The following FGF12 variants were observed in gnomAD, a reference collection of about 807,000 sequenced individuals.
FGF12 encodes the protein fibroblast growth factor 12.
In FGF12, 14 loss-of-function variants were observed where a neutral mutation model predicts 23.6. That is an observed-to-expected ratio of 0.59 (90% confidence interval 0.39 to 0.93). FGF12 has a LOEUF of 0.93. FGF12 is among the 40% of genes least tolerant of loss of function. The probability of loss-of-function intolerance (pLI) is 0.00; values close to 1 mark genes in which losing one functional copy is unlikely to be tolerated. For missense variants in FGF12, 175 were observed against 217.8 expected (o/e 0.80, Z 1.24); for synonymous variants, 62 against 77.3 (o/e 0.80, Z 1.04).
At chr3:192,533,653 T>G in intron 2 of FGF12, among the ~76,000 whole-genome samples, 1 of 152,188 alleles carries the variant, frequency 6.6e-6, no homozygotes, top group East Asian at 1.9e-4. Context: ...CTTTTGAGCC[T>G]CTGTTCATTT....
At chr3:192,329,482 T>A (rs1577358443) in intron 4 of FGF12, among the ~76,000 whole-genome samples, 3 of 152,332 alleles carry the variant, frequency 2.0e-5, no homozygotes, top group African/African-American at 7.2e-5. Flanking sequence ...TATAATATCA[T>A]ACCAAATGAT....
chr3:192,333,306 AT>A (rs1717220298), intron 4 of FGF12, among the ~76,000 whole-genome samples: 1 of 152,136 alleles, frequency 6.6e-6, no homozygotes, highest in Non-Finnish European at 1.5e-5. Flanking sequence ...TATAACCTGA[AT>A]TATGACTTTT....
chr3:192,572,992 C>T (rs1249892488), intron 2 of FGF12, among the ~76,000 whole-genome samples: 1 of 152,010 alleles, frequency 6.6e-6, no homozygotes, highest in African/African-American at 2.4e-5. Context: ...TGACATGACT[C>T]TAGGAATGAA....
intron 2 of FGF12, among the ~76,000 whole-genome samples, chr3:192,361,584 T>C (rs114415911): frequency 1.6e-3 from 240 of 152,320 alleles, no homozygotes; most frequent in African/African-American, 5.5e-3. Flanking sequence ...CTAGTCAACT[T>C]CATCCTTCAT....
chr3:192,216,015 A>G (rs919512192), intron 4 of FGF12, among the ~76,000 whole-genome samples: 2 of 152,162 alleles, frequency 1.3e-5, no homozygotes, highest in African/African-American at 2.4e-5. Flanking sequence ...GTGAGTTTCT[A>G]TTATGTACAA....
chr3:192,466,756 CA>C (rs1723023590), intron 2 of FGF12, among the ~76,000 whole-genome samples: 1 of 152,142 alleles, frequency 6.6e-6, no homozygotes, highest in African/African-American at 2.4e-5. Flanking sequence ...GGGGTCTGAT[CA>C]AGGTTAAATT....
chr3:192,453,703 G>C (rs1372046766), intron 2 of FGF12, among the ~76,000 whole-genome samples: 1 of 152,056 alleles, frequency 6.6e-6, no homozygotes, highest in Non-Finnish European at 1.5e-5. Flanking sequence ...TTTTATTGGG[G>C]GATGAGGGGA....
At chr3:192,561,603 C>T (rs1712035902) in intron 2 of FGF12, among the ~76,000 whole-genome samples, 1 of 152,072 alleles carries the variant, frequency 6.6e-6, no homozygotes, top group South Asian at 2.1e-4. Flanking sequence ...ACCTTGTGAT[C>T]CGCCCGCCTC....
At chr3:192,240,475 A>C (rs1313809126) in intron 4 of FGF12, among the ~76,000 whole-genome samples, 1 of 152,226 alleles carries the variant, frequency 6.6e-6, no homozygotes, top group Non-Finnish European at 1.5e-5. Context: ...GAATGATAAC[A>C]TGCAACAATA....
chr3:192,694,338 TCC>T (rs1265934046), intron 2 of FGF12, among the ~76,000 whole-genome samples: 2 of 152,038 alleles, frequency 1.3e-5, no homozygotes, highest in African/African-American at 4.8e-5. Flanking sequence ...GTATGAAAGT[TCC>T]TCAAAAAATT....
chr3:192,541,494 AGTT>A (rs1725363142), intron 2 of FGF12, among the ~76,000 whole-genome samples: 1 of 152,044 alleles, frequency 6.6e-6, no homozygotes, highest in African/African-American at 2.4e-5. Flanking sequence ...TATCTTGAAA[AGTT>A]GTTGTAGTTT....
At chr3:192,570,094 G>GA (rs1187329124) in intron 2 of FGF12, among the ~76,000 whole-genome samples, 2 of 152,080 alleles carry the variant, frequency 1.3e-5, no homozygotes, top group African/African-American at 2.4e-5. Context: ...TTAGGATGAA[G>GA]AAAAAAGAAA....
chr3:192,581,492 A>ATATGTGTGTGTGTGTG (rs1713155359), intron 2 of FGF12, among the ~76,000 whole-genome samples: 1 of 39,752 alleles, frequency 2.5e-5, no homozygotes, highest in African/African-American at 5.5e-5. Flanking sequence ...GTGTGTATAT[A>ATATGTGTGTGTGTGTG]TATATATATA....
intron 4 of FGF12, among the ~76,000 whole-genome samples, chr3:192,204,941 C>T (rs79913874): frequency 0.015 from 2,253 of 152,030 alleles, 62 homozygotes; most frequent in African/African-American, 0.052. Flanking sequence ...AAAAAATTTG[C>T]ACTCCTTGGA....
At chr3:192,547,102 A>T (rs1377046795) in intron 2 of FGF12, among the ~76,000 whole-genome samples, 2 of 152,166 alleles carry the variant, frequency 1.3e-5, no homozygotes, top group African/African-American at 4.8e-5. Flanking sequence ...AGCCTCCACA[A>T]ATGTTCCTTA....
chr3:192,440,198 T>C (rs1330648240), intron 2 of FGF12, among the ~76,000 whole-genome samples: 1 of 152,152 alleles, frequency 6.6e-6, no homozygotes, highest in Admixed American at 6.5e-5. Context: ...TTGTAGACCA[T>C]TAAAAACAAT....
chr3:192,542,188 TTC>T (rs1336787417), intron 2 of FGF12, among the ~76,000 whole-genome samples: 1 of 151,974 alleles, frequency 6.6e-6, no homozygotes, highest in Non-Finnish European at 1.5e-5. Flanking sequence ...TTTTTTCTTC[TTC>T]TTTTTTTCTG....
intron 2 of FGF12, among the ~76,000 whole-genome samples, chr3:192,443,756 C>A (rs1287085484): frequency 6.6e-6 from 1 of 152,140 alleles, no homozygotes; most frequent in Non-Finnish European, 1.5e-5. Flanking sequence ...ACCCTTTTCA[C>A]AATTATTTAT....
intron 2 of FGF12, among the ~76,000 whole-genome samples, chr3:192,501,617 C>T (rs1053762344): frequency 1.3e-5 from 2 of 152,172 alleles, no homozygotes; most frequent in Non-Finnish European, 2.9e-5. Flanking sequence ...AACAACCATA[C>T]CACTCAACTA....
Sources: allele counts gnomAD v4.1 joint callset (sites outside exome capture counted in the v4.1 genomes callset), GRCh38; gene constraint gnomAD v4.1.1; transcripts MANE v1.5; gene names NCBI Gene and HGNC (gene_info 2026-07-23, HGNC 2026-07-21).